SGMS1: variants seen among roughly 807,000 people sequenced by gnomAD.
SGMS1 encodes sphingomyelin synthase 1.
SGMS1 carries 13 observed loss-of-function variants against 46.2 expected under a neutral mutation model. The observed-to-expected ratio is 0.28, with a 90% CI of 0.18 to 0.45. The LOEUF (loss-of-function observed/expected upper bound fraction) is 0.45, where lower values mean the gene tolerates loss of function less well. Among genes scored for constraint, SGMS1 ranks in the 20% least tolerant of loss-of-function variants. The probability of loss-of-function intolerance (pLI) is 1.00; values close to 1 mark genes in which losing one functional copy is unlikely to be tolerated. For synonymous variants in SGMS1, 203 were observed against 187.8 expected (o/e 1.08, Z -0.66); for missense variants, 324 against 519.9 (o/e 0.62, Z 3.66).
intron 3 of SGMS1, among the ~76,000 whole-genome samples, chr10:50,476,685 G>A (rs949603493): frequency 8.5e-5 from 13 of 152,154 alleles, no homozygotes; most frequent in African/African-American, 3.1e-4. Context: ...ACACCACTGC[G>A]CTGGGCAGCA....
chr10:50,414,332 G>A (rs1849139150), intron 6 of SGMS1, among the ~76,000 whole-genome samples: 1 of 152,230 alleles, frequency 6.6e-6, no homozygotes, highest in Non-Finnish European at 1.5e-5. Flanking sequence ...TGAGGTTGCA[G>A]TGAGTCGAGA....
intron 3 of SGMS1, among the ~76,000 whole-genome samples, chr10:50,519,386 A>G (rs1837837759): frequency 6.6e-6 from 1 of 152,204 alleles, no homozygotes; most frequent in Admixed American, 6.5e-5. Context: ...CAGACCTGGT[A>G]ACCGTGATCT....
intron 6 of SGMS1, among the ~76,000 whole-genome samples, chr10:50,357,114 T>C (rs148322362): frequency 1.3e-5 from 2 of 152,120 alleles, no homozygotes; most frequent in Non-Finnish European, 1.5e-5. Flanking sequence ...GTGTTCATTA[T>C]AGATTCTAAG....
chr10:50,476,834 G>A (rs1250185091), intron 3 of SGMS1, among the ~76,000 whole-genome samples: 3 of 152,236 alleles, frequency 2.0e-5, no homozygotes, highest in Non-Finnish European at 4.4e-5. Context: ...ACCTGCAGGT[G>A]CACAAAGGTC....
chr10:50,320,084 C>T (rs973097763), intron 8 of SGMS1, among the ~76,000 whole-genome samples: 1 of 151,650 alleles, frequency 6.6e-6, no homozygotes, highest in African/African-American at 2.4e-5. Flanking sequence ...TTTAGAATTC[C>T]CCAGTGAATG....
At chr10:50,514,277 C>T (rs1837783182) in intron 3 of SGMS1, among the ~76,000 whole-genome samples, 1 of 152,176 alleles carries the variant, frequency 6.6e-6, no homozygotes, top group Non-Finnish European at 1.5e-5. Flanking sequence ...GTATACCAAA[C>T]CTTGACACGA....
At chr10:50,598,744 C>G (rs1024768469) in intron 1 of SGMS1, among the ~76,000 whole-genome samples, 3 of 152,118 alleles carry the variant, frequency 2.0e-5, no homozygotes, top group Admixed American at 2.0e-4. Context: ...TGAAATTATG[C>G]AAGCCACATC....
intron 5 of SGMS1, among the ~76,000 whole-genome samples, chr10:50,433,815 C>G (rs1188084916): frequency 6.6e-6 from 1 of 152,140 alleles, no homozygotes; most frequent in Non-Finnish European, 1.5e-5. Context: ...ATTATGTTTT[C>G]AGGAAGAGAT....
At chr10:50,361,163 T>G (rs1206383039) in intron 6 of SGMS1, among the ~76,000 whole-genome samples, 1 of 152,192 alleles carries the variant, frequency 6.6e-6, no homozygotes, top group Non-Finnish European at 1.5e-5. Context: ...AAAGTTCTGA[T>G]CCTTCTTTTC....
At chr10:50,605,509 G>C (rs574890760) in intron 1 of SGMS1, among the ~76,000 whole-genome samples, 3 of 152,160 alleles carry the variant, frequency 2.0e-5, no homozygotes, top group African/African-American at 7.2e-5. Context: ...TGAAAACACC[G>C]GCTGTTTTCC....
At chr10:50,374,058 A>G (rs532669647) in intron 6 of SGMS1, among the ~76,000 whole-genome samples, 1 of 152,320 alleles carries the variant, frequency 6.6e-6, no homozygotes, top group East Asian at 1.9e-4. Context: ...TTTATCTTCT[A>G]TTTATAAACC....
At chr10:50,341,654 C>T (rs2133354131) in intron 7 of SGMS1, among the ~76,000 whole-genome samples, 1 of 147,294 alleles carries the variant, frequency 6.8e-6, no homozygotes, top group Admixed American at 6.8e-5. Context: ...AAGGATCCAC[C>T]CAAACCACTC....
chr10:50,620,775 T>G (rs1838842073), intron 1 of SGMS1, among the ~76,000 whole-genome samples: 1 of 152,254 alleles, frequency 6.6e-6, no homozygotes, highest in Admixed American at 6.5e-5. Flanking sequence ...AAATACTCTT[T>G]CAGCTTTTCT....
At chr10:50,414,470 AAGT>A (rs959739955) in intron 6 of SGMS1, among the ~76,000 whole-genome samples, 26 of 152,216 alleles carry the variant, frequency 1.7e-4, no homozygotes, top group African/African-American at 5.3e-4. Context: ...ATATTGCCTG[AAGT>A]AGTAGTAGTG....
chr10:50,491,132 A>G (rs893480940), intron 3 of SGMS1, among the ~76,000 whole-genome samples: 2 of 152,148 alleles, frequency 1.3e-5, no homozygotes, highest in Middle Eastern at 3.2e-3. Flanking sequence ...GAATCAGCTG[A>G]GCCCAGGAGT....
At chr10:50,529,375 C>G (rs1837932339) in intron 2 of SGMS1, among the ~76,000 whole-genome samples, 1 of 152,142 alleles carries the variant, frequency 6.6e-6, no homozygotes, top group African/African-American at 2.4e-5. Flanking sequence ...ACCACTGTAT[C>G]CTTACCACAA....
chr10:50,353,452 G>C (rs1848062717), intron 6 of SGMS1, among the ~76,000 whole-genome samples: 1 of 152,286 alleles, frequency 6.6e-6, no homozygotes, highest in East Asian at 1.9e-4. Flanking sequence ...AATAATAAGA[G>C]CTATCTATGA....
intron 6 of SGMS1, among the ~76,000 whole-genome samples, chr10:50,362,236 A>C (rs1205439877): frequency 6.6e-6 from 1 of 152,244 alleles, no homozygotes; most frequent in African/African-American, 2.4e-5. Flanking sequence ...AATCAGTTTC[A>C]AAATAAAGAA....
intron 2 of SGMS1, among the ~76,000 whole-genome samples, chr10:50,527,685 C>G (rs1037804004): frequency 2.0e-5 from 3 of 152,126 alleles, no homozygotes; most frequent in Admixed American, 6.5e-5. Flanking sequence ...TGACACATAA[C>G]AGGAAGAAGA....
Sources: allele counts gnomAD v4.1 joint callset (sites outside exome capture counted in the v4.1 genomes callset), GRCh38; gene constraint gnomAD v4.1.1; transcripts MANE v1.5; gene names NCBI Gene and HGNC (gene_info 2026-07-23, HGNC 2026-07-21).